ZFPM1: variants seen among roughly 807,000 people sequenced by gnomAD.
ZFPM1 encodes zinc finger protein ZFPM1.
ZFPM1 carries 28 observed loss-of-function variants against 46.3 expected under a neutral mutation model. The ratio of observed to expected loss-of-function variants is 0.60; its 90% CI spans 0.45 to 0.83. The LOEUF is 0.83. Among genes scored for constraint, ZFPM1 ranks in the 40% least tolerant of loss-of-function variants. The pLI is 0.00. For synonymous variants in ZFPM1, 957 were observed against 675.9 expected (o/e 1.42, Z -6.45); for missense variants, 1,878 against 1,432.4 (o/e 1.31, Z -5.02).
chr16:88,501,232 CAT>C lies in ZFPM1; in HGVS notation c.268+12080_268+12081del, dbSNP rs1910273132. On this transcript the variant is annotated intron_variant, in intron 3 of 9. Transcript: ENST00000319555. ...ATGATGGAGATAGCGGGTGTGGGTG[CAT>C]GGGCTCTCCCGCAGGTACTGGTGAT... Among the ~76,000 whole-genome samples the C allele has an allele frequency of 4.4e-5, 5 of 112,390 alleles. 1 individual carries two copies. The highest frequency in any genetic ancestry group is 9.1e-5 in the Non-Finnish European group (5 of 55,124). The allele number at this position is 112,390 out of a possible 152,430, so 73.7% of individuals were successfully genotyped here.
At chr16:88,532,532 C>T (rs1005417497) in intron 7 of ZFPM1, 82 bp from the exon 8 acceptor site, 9 of 1,424,104 alleles carry the variant, frequency 6.3e-6, no homozygotes, top group Non-Finnish European at 7.7e-6. Flanking sequence ...GATCACGGCC[C>T]TGGGCCCAGT....
At chr16:88,458,982 A>C (rs1374139284) in intron 1 of ZFPM1, among the ~76,000 whole-genome samples, 1 of 152,190 alleles carries the variant, frequency 6.6e-6, no homozygotes, top group African/African-American at 2.4e-5. Flanking sequence ...GGGATCAGCC[A>C]CCTGCAAGCT....
intron 4 of ZFPM1, among the ~76,000 whole-genome samples, chr16:88,522,717 A>G (rs963252993): frequency 3.3e-5 from 5 of 152,170 alleles, no homozygotes; most frequent in Non-Finnish European, 5.9e-5. Flanking sequence ...GGGGCCGGCC[A>G]GGGCCCAGAG....
At chr16:88,517,472 CTGGGTGGATGGATGGA>C (rs1270433071) in intron 4 of ZFPM1, among the ~76,000 whole-genome samples, 2 of 54,552 alleles carry the variant, frequency 3.7e-5, no homozygotes, top group Non-Finnish European at 7.7e-5. Context: ...GGATGGATGG[CTGGGTGGATGGATGGA>C]TGGATGGATG....
chr16:88,478,414 C>A (rs7198986), intron 1 of ZFPM1, among the ~76,000 whole-genome samples: 2 of 152,248 alleles, frequency 1.3e-5, no homozygotes, highest in Admixed American at 6.5e-5. Context: ...TCATAGCCCC[C>A]GAGGGCCTCT....
intron 3 of ZFPM1, among the ~76,000 whole-genome samples, chr16:88,501,364 G>A (rs113724610): frequency 3.9e-4 from 46 of 118,008 alleles, no homozygotes; most frequent in African/African-American, 9.9e-4. Context: ...TGGTGATGAT[G>A]GAGATAGCAG....
At chr16:88,490,706 G>A (rs944817420) in intron 3 of ZFPM1, among the ~76,000 whole-genome samples, 2 of 152,146 alleles carry the variant, frequency 1.3e-5, no homozygotes, top group Non-Finnish European at 2.9e-5. Context: ...CTGGGCAGCC[G>A]CAGCCAGGAG....
At chr16:88,501,976 C>T (rs1226121974) in intron 3 of ZFPM1, among the ~76,000 whole-genome samples, 1 of 152,180 alleles carries the variant, frequency 6.6e-6, no homozygotes, top group East Asian at 1.9e-4. Flanking sequence ...GCCCTGACCT[C>T]CTGACCCCAG....
intron 1 of ZFPM1, among the ~76,000 whole-genome samples, chr16:88,476,219 A>AAGCCTCCATCCCTCTGCAC (rs1908676946): frequency 6.6e-6 from 1 of 151,928 alleles, no homozygotes; most frequent in East Asian, 1.9e-4. Flanking sequence ...GGAACCAACC[A>AAGCCTCCATCCCTCTGCAC]AGCCTCCATC....
In ZFPM1 at chr16:88,536,144, T is replaced by C. The variant is rs1913237385; in HGVS notation, c.*1165T>C. 1 of 152,048 alleles carries C rather than the reference T, an allele frequency of 6.6e-6. No homozygotes were observed. Among genetic ancestry groups the C allele is most frequent in the Admixed American group, 6.5e-5 (1 of 15,270 alleles). The allele number at this position is 152,048 out of a possible 1,614,324, so 9.4% of individuals were successfully genotyped here. A position where few individuals can be genotyped will look rare whatever the true frequency, so the allele number is the denominator to read the frequency against. On this transcript the variant is annotated 3_prime_UTR_variant, in exon 10 of 10. Transcript: ENST00000319555. ...CTAGTTTTTGTGTTTTTTGTAGAAA[T>C]GGTGTCTCCCTATGTTGCCCAGGCT...
At chr16:88,499,976 G>C (rs1910159059) in intron 3 of ZFPM1, among the ~76,000 whole-genome samples, 1 of 152,240 alleles carries the variant, frequency 6.6e-6, no homozygotes, top group Admixed American at 6.5e-5. Context: ...GTGGTTGGGG[G>C]GCGGGGGCCG....
chr16:88,502,371 G>T (rs1182238340), intron 3 of ZFPM1, among the ~76,000 whole-genome samples: 1 of 152,094 alleles, frequency 6.6e-6, no homozygotes, highest in Admixed American at 6.5e-5. Flanking sequence ...AGGGGCCCGG[G>T]CGCCGGGCAC....
In ZFPM1 at chr16:88,535,289, A is replaced by G; in HGVS notation, c.*310A>G. ...GCTGGGCCCCTGCCGGAGTTACACC[A>G]CTGGGTGCTAAGAGCTAGACCGAGC... On this transcript the variant is annotated 3_prime_UTR_variant, in exon 10 of 10. Transcript: ENST00000319555. 4.3e-6 allele frequency: 1 copy of G among 233,598 alleles called. No individual in the cohort carries two copies. The highest frequency in any genetic ancestry group is 8.3e-6 in the Non-Finnish European group (1 of 119,858). The allele number at this position is 233,598 out of a possible 1,614,324, so 14.5% of individuals were successfully genotyped here.
At chr16:88,464,154 G>A (rs866425149) in intron 1 of ZFPM1, among the ~76,000 whole-genome samples, 23 of 152,318 alleles carry the variant, frequency 1.5e-4, no homozygotes, top group Middle Eastern at 3.4e-3. Context: ...TGGGTGCCGC[G>A]TCTCAAGGAA....
chr16:88,516,557 A>G, intron 4 of ZFPM1: 1 of 398,668 alleles, frequency 2.5e-6, no homozygotes. Flanking sequence ...TTATCTCCCC[A>G]GCGAGGCGCT....
intron 4 of ZFPM1, among the ~76,000 whole-genome samples, chr16:88,524,556 C>T (rs1057249600): frequency 6.6e-6 from 1 of 152,366 alleles, no homozygotes; most frequent in Non-Finnish European, 1.5e-5. Flanking sequence ...CCCGGACATG[C>T]CCTGTGGACG....
At chr16:88,522,785 G>C (rs1404408216) in intron 4 of ZFPM1, among the ~76,000 whole-genome samples, 1 of 152,222 alleles carries the variant, frequency 6.6e-6, no homozygotes, top group Non-Finnish European at 1.5e-5. Context: ...GTCCTCCGTG[G>C]ACCCTGGACA....
chr16:88,516,321 G>A, intron 4 of ZFPM1: 1 of 397,940 alleles, frequency 2.5e-6, no homozygotes, highest in Non-Finnish European at 4.4e-6. Flanking sequence ...CTGTCCGCCT[G>A]CCTCCGCATT....
At position 88,532,856 on chromosome 16, in the gene ZFPM1, C is replaced by G; in HGVS notation, c.1110C>G (p.Asn370Lys). Residue 370 changes from asparagine to lysine, a missense_variant, in exon 9 of 10, where the codon AAC (asparagine) becomes AAG (lysine). Transcript: ENST00000319555. ...TCCTCTACAGCCACTTGGTCACCAA[C>G]CACATGGTCTGCCAGCCTGGCTCCA... Reference protein sequence around the residue: ...RDILYSHLVTNHMVCQPGSKG... With the variant: ...RDILYSHLVTKHMVCQPGSKG... 6.2e-7 allele frequency: 1 copy of G among 1,613,532 alleles called. No homozygotes were observed. Among genetic ancestry groups the G allele is most frequent in the Non-Finnish European group, 8.5e-7 (1 of 1,179,982 alleles).
Sources: gnomAD v4.1 joint callset for allele counts (sites outside exome capture counted in the v4.1 genomes callset) on GRCh38, gnomAD v4.1.1 for gene constraint, MANE v1.5 for transcripts, NCBI Gene and HGNC (gene_info 2026-07-23, HGNC 2026-07-21) for gene names.